Variants in PRKAR1A observed in about 807,000 individuals in gnomAD.
PRKAR1A encodes cAMP-dependent protein kinase type I-alpha regulatory subunit.
Under a neutral mutation model 52.0 loss-of-function variants are expected in PRKAR1A, and 3 were observed. The observed-to-expected ratio is 0.06, with a 90% CI of 0.03 to 0.15. The LOEUF (loss-of-function observed/expected upper bound fraction) is 0.15, where lower values mean the gene tolerates loss of function less well. Ranked by LOEUF, PRKAR1A falls within the 10% of genes least tolerant of loss-of-function variation. The probability of loss-of-function intolerance (pLI) is 1.00; values close to 1 mark genes in which losing one functional copy is unlikely to be tolerated. For synonymous variants in PRKAR1A, 188 were observed against 168.4 expected (o/e 1.12, Z -0.90); for missense variants, 240 against 477.4 (o/e 0.50, Z 4.63).
chr17:68,506,178 C>G, the PRKAR1A span, among the ~76,000 whole-genome samples: 3 of 151,992 alleles, frequency 2.0e-5, no homozygotes, highest in Non-Finnish European at 4.4e-5. Context: ...TGCCCCTCCC[C>G]CCTACCACAG....
At chr17:68,489,866 T>C in the PRKAR1A span, among the ~76,000 whole-genome samples, 2 of 152,052 alleles carry the variant, frequency 1.3e-5, no homozygotes, top group African/African-American at 4.8e-5. Flanking sequence ...GGAGAGTATA[T>C]TTTTGCTCCA....
the PRKAR1A span, among the ~76,000 whole-genome samples, chr17:68,486,528 T>C: frequency 4.0e-3 from 533 of 132,476 alleles, 4 homozygotes; most frequent in Middle Eastern, 7.9e-3. Context: ...TTTCTTTCTT[T>C]CTTTCTTTCT....
chr17:68,520,588 A>C (rs1055093678), intron 2 of PRKAR1A, among the ~76,000 whole-genome samples: 11 of 152,206 alleles, frequency 7.2e-5, no homozygotes, highest in African/African-American at 2.7e-4. Flanking sequence ...AGAGCTGAGG[A>C]GGAAGGAGAC....
chr17:68,420,662 G>C, the PRKAR1A span: 1 of 647,762 alleles, frequency 1.5e-6, no homozygotes, highest in Non-Finnish European at 2.6e-6. Flanking sequence ...GCTGGCTCTG[G>C]GCAGGGAGTG....
the PRKAR1A span, among the ~76,000 whole-genome samples, chr17:68,473,590 T>C: frequency 1.3e-5 from 2 of 152,306 alleles, no homozygotes; most frequent in African/African-American, 4.8e-5. Context: ...TGGCACGATC[T>C]CAGCTCACTG....
rs2143350352 is a variant in PRKAR1A, at chr17:68,527,849, C to T, written c.718C>T (p.Leu240=). The change falls in exon 8 of 11, where the codon CTG becomes TTG. Residue 240 remains leucine, a synonymous_variant. Transcript: ENST00000589228. The stretch of plus-strand genomic sequence containing the variant: ...TTATTTTTATTTTTAGGGAAGCACA[C>T]TGAGAAAGCGGAAGATGTATGAGGA... ...SYRRILMGST[L]RKRKMYEEFL... 6.2e-7 allele frequency: 1 copy of T among 1,611,450 alleles called. No homozygotes were observed. Among genetic ancestry groups the T allele is most frequent in the Non-Finnish European group, 8.5e-7 (1 of 1,177,946 alleles).
the PRKAR1A span, among the ~76,000 whole-genome samples, chr17:68,459,817 T>C: frequency 2.0e-5 from 3 of 151,900 alleles, no homozygotes; most frequent in African/African-American, 7.3e-5. Context: ...AGATAATCAA[T>C]ATAAAGTTAC....
intron 3 of PRKAR1A, 120 bp from the exon 4 acceptor site, chr17:68,523,605 C>A (rs2143286050): frequency 1.3e-6 from 1 of 773,856 alleles, no homozygotes; most frequent in Non-Finnish European, 2.3e-6. Context: ...TAGTGAAACA[C>A]TACAAAGCAG....
At position 68,515,517 on chromosome 17, in the gene PRKAR1A, A is replaced by G. The variant is rs758013363; in HGVS notation, c.118A>G (p.Thr40Ala). 6.2e-7 allele frequency: 1 copy of G among 1,613,258 alleles called. No homozygotes were observed. Among genetic ancestry groups the G allele is most frequent in the East Asian group, 2.2e-5 (1 of 44,890 alleles). ...CAAAGATTCTATTGTGCAGTTGTGC[A>G]CTGCTCGACCTGAGAGACCCATGGC... is the stretch of plus-strand genomic sequence containing the variant. ...LLKDSIVQLC[T>A]ARPERPMAFL... The change falls in exon 2 of 11, where the codon ACT becomes GCT. Residue 40 changes from threonine to alanine, a missense_variant. Around this residue, in one of 4 missense-constraint regions of PRKAR1A, gnomAD observed 107 missense variants for 114.6 expected, o/e 0.93. Transcript: ENST00000589228.
chr17:68,550,214 A>G (rs1023258734), intron 11 of PRKAR1A, among the ~76,000 whole-genome samples: 1 of 152,140 alleles, frequency 6.6e-6, no homozygotes, highest in African/African-American at 2.4e-5. Flanking sequence ...AACAAAAGCA[A>G]TATTTCTAAA....
the PRKAR1A span, among the ~76,000 whole-genome samples, chr17:68,486,535 T>TCCC: frequency 1.5e-3 from 212 of 137,906 alleles, 2 homozygotes; most frequent in Admixed American, 2.9e-3. Context: ...CTTTCTTTCT[T>TCCC]TCTTTCTTTC....
At chr17:68,434,600 G>A in the PRKAR1A span, 1 of 1,614,070 alleles carries the variant, frequency 6.2e-7, no homozygotes, top group Admixed American at 1.7e-5. Context: ...GCCCATCAGG[G>A]ACAGAGAACA....
chr17:68,524,931 C>A lies in PRKAR1A; in HGVS notation c.522C>A (p.Phe174Leu), dbSNP rs148109898. Residue 174 changes from phenylalanine to leucine, a missense_variant, in exon 6 of 11, where the codon TTC becomes TTA. By Grantham distance (22) the Phe-to-Leu change is conservative. This residue lies in a region of PRKAR1A where 107 missense variants were observed against 290.9 expected (regional missense o/e 0.37). Coordinates refer to ENST00000589228, the MANE Select transcript of PRKAR1A (RefSeq NM_002734.5). ...TTTTAGGTGATGAAGGGGATAACTT[C>A]TATGTGATTGATCAAGGAGAGACGG... ...VIQQGDEGDNFYVIDQGETDV... is the reference protein window; with the variant it reads ...VIQQGDEGDNLYVIDQGETDV... 1 of 1,609,718 alleles carries A rather than the reference C, an allele frequency of 6.2e-7. No homozygotes were observed. Among genetic ancestry groups the A allele is most frequent in the Non-Finnish European group, 8.5e-7 (1 of 1,176,400 alleles).
At chr17:68,425,982 A>G in the PRKAR1A span, 1 of 965,666 alleles carries the variant, frequency 1.0e-6, no homozygotes, top group South Asian at 1.4e-5. Context: ...TAGATTAGAA[A>G]ACAGGGAAAG....
chr17:68,521,141 C>G (rs1377733125), intron 2 of PRKAR1A, among the ~76,000 whole-genome samples: 4 of 152,098 alleles, frequency 2.6e-5, no homozygotes, highest in African/African-American at 9.7e-5. Context: ...GGGGTTTCAC[C>G]ATAATGGCCA....
chr17:68,502,877 A>G, the PRKAR1A span, among the ~76,000 whole-genome samples: 1 of 152,202 alleles, frequency 6.6e-6, no homozygotes. Flanking sequence ...TTCTCAGAGT[A>G]AATTGTTAAC....
At chr17:68,538,770 C>T (rs961403671) in intron 11 of PRKAR1A, among the ~76,000 whole-genome samples, 4 of 152,190 alleles carry the variant, frequency 2.6e-5, no homozygotes, top group East Asian at 3.9e-4. Flanking sequence ...AGTGGGTCAA[C>T]GATTAAAGTT....
Position 68,547,010 on chromosome 17 carries a change from CTTT to C in PRKAR1A, c.974-4065_974-4063del, listed in dbSNP as rs559157360. On this transcript the variant is annotated intron_variant, in intron 11 of 11. Coordinates refer to the PRKAR1A transcript ENST00000585981. ...TGAGCAGTAATATTTTGAAAGGAAT[CTTT>C]TTTTTTTTCTTTTTCCCCTGAGCAG... Among the ~76,000 whole-genome samples, 1,055 of 146,520 alleles carry C rather than the reference CTTT, an allele frequency of 7.2e-3. 7 individuals are homozygous for C. Among genetic ancestry groups the C allele is most frequent in the African/African-American group, 0.025 (994 of 40,132 alleles).
chr17:68,524,182 C>A, intron 5 of PRKAR1A, 105 bp downstream of exon 5: 1 of 1,162,570 alleles, frequency 8.6e-7, no homozygotes, highest in South Asian at 1.4e-5. Flanking sequence ...TTGATCCTAC[C>A]ACTTTTTTTT....
Sources: gnomAD v4.1 joint callset for allele counts (sites outside exome capture counted in the v4.1 genomes callset) on GRCh38, gnomAD v4.1.1 for gene constraint, gnomAD v4.1.1 regional missense constraint, MANE v1.5 for transcripts, NCBI Gene and HGNC (gene_info 2026-07-23, HGNC 2026-07-21) for gene names.